The following AHCTF1 variants were observed in gnomAD, a reference collection of about 807,000 sequenced individuals.
The protein encoded by AHCTF1 is protein ELYS.
AHCTF1 carries 24 observed loss-of-function variants against 248.4 expected under a neutral mutation model. The observed-to-expected ratio is 0.10, with a 90% confidence interval of 0.07 to 0.14. AHCTF1 has a LOEUF of 0.14. AHCTF1 is among the 10% of genes least tolerant of loss of function. AHCTF1 has a pLI of 1.00. For synonymous variants in AHCTF1, 786 were observed against 929.8 expected, an observed-to-expected ratio of 0.85 and a Z score of 2.81; for missense variants, 2,206 against 2,636.2, an observed-to-expected ratio of 0.84 and a Z score of 3.57.
rs548149162 is a variant in AHCTF1 at position 246,850,842 on chromosome 1, T to C, written c.5164A>G (p.Ser1722Gly). The C allele has an allele frequency of 6.2e-7, 1 of 1,613,952 alleles. No homozygotes were observed. Among genetic ancestry groups the C allele is most frequent in the African/African-American group, 1.3e-5 (1 of 75,040 alleles). The change falls in exon 33 of 36, where the codon AGC (serine) becomes GGC (glycine). Residue 1722 changes from serine to glycine, a missense_variant. Transcript: ENST00000648844. ...KSAFKTAQET[S>G]TMTMNVSQVD... ...TGGCTGACATTCATAGTCATTGTGC[T>C]TGTTTCCTGAGCAGTCTTAAATGCA...
chr1:246,911,625 A>G (rs976028978), intron 4 of AHCTF1, among the ~76,000 whole-genome samples: 3 of 151,470 alleles, frequency 2.0e-5, no homozygotes, highest in East Asian at 2.0e-4. Flanking sequence ...CTGGGATTAG[A>G]GGCATGCGCC....
chr1:246,841,441 G>C (rs932929754), intron 35 of AHCTF1, among the ~76,000 whole-genome samples: 1 of 152,230 alleles, frequency 6.6e-6, no homozygotes, highest in East Asian at 1.9e-4. Context: ...ACATAGATAC[G>C]CCAGTTTATA....
rs748192239 is a variant in AHCTF1, at chr1:246,918,511, A to AT, written c.-7-135dup. ...ACTAAAATCTGGTTACAAAATACAT[A>AT]TTGGCCAGATGCGGAGGCTCACGCC... On this transcript the variant is annotated intron_variant, in intron 1 of 35. Transcript: ENST00000648844. 2.8e-4 allele frequency: 255 copies of AT among 895,614 alleles called. 1 individual carries two copies. Among genetic ancestry groups the AT allele is most frequent in the Non-Finnish European group, 3.7e-4 (235 of 635,990 alleles). The allele number at this position is 895,614 out of a possible 1,614,324, so 55.5% of individuals were successfully genotyped here. A position where few individuals can be genotyped will look rare whatever the true frequency, so the allele number is the denominator to read the frequency against.
rs745825077 is a variant in AHCTF1 at position 246,840,765 on chromosome 1, T to C, written c.*41A>G. 4.8e-6 allele frequency: 7 copies of C among 1,449,056 alleles called. No homozygotes were observed. The South Asian group carries it at 7.8e-5, about 16-fold the overall frequency. 89.8% of individuals were successfully genotyped at this position (1,449,056 alleles called of 1,614,324 possible). On this transcript the variant is annotated 3_prime_UTR_variant, in exon 36 of 36. Transcript: ENST00000648844. ...TATTTAATAATCCACACTATTCTGATGACTTTACAAATAGGTGTACATTAA... is the reference window on the plus strand; with the variant it reads ...TATTTAATAATCCACACTATTCTGACGACTTTACAAATAGGTGTACATTAA...
At chr1:246,923,169 C>CT (rs1666695164) in intron 1 of AHCTF1, among the ~76,000 whole-genome samples, 2 of 148,244 alleles carry the variant, frequency 1.3e-5, no homozygotes, top group Admixed American at 6.7e-5. Context: ...AATCCCAGCA[C>CT]TTTGGGAGGC....
chr1:246,914,807 C>T (rs1423161055), intron 3 of AHCTF1, among the ~76,000 whole-genome samples: 1 of 152,194 alleles, frequency 6.6e-6, no homozygotes, highest in African/African-American at 2.4e-5. Context: ...GCAACCAGTT[C>T]AGGAACCTTG....
chr1:246,852,874 C>T lies in AHCTF1; in HGVS notation c.4563+217G>A, dbSNP rs55783683. On this transcript the variant is annotated intron_variant, in intron 32 of 35. Transcript: ENST00000648844. ...CCAAGTAGCTGGGACTATGGGCACCCGCCACAGCACCCACCTCCAAGGTTG... is the reference window on the plus strand; with the variant it reads ...CCAAGTAGCTGGGACTATGGGCACCTGCCACAGCACCCACCTCCAAGGTTG... Among the ~76,000 whole-genome samples, 30,557 of 151,956 alleles carry T rather than the reference C, an allele frequency of 0.2. 3,552 individuals carry two copies. Among genetic ancestry groups the T allele is most frequent in the Admixed American group, 0.28 (4,214 of 15,248 alleles).
In AHCTF1 at chr1:246,850,077, G is replaced by A. The variant is rs1660587411; in HGVS notation, c.5929C>T (p.Pro1977Ser). The change falls in exon 33 of 36, where the codon CCA (proline) becomes TCA (serine). Residue 1977 changes from proline (P) to serine (S), a missense_variant. By Grantham distance (74) the Pro-to-Ser change is moderately conservative. Transcript: ENST00000648844. ...MSAIPRKRGR[P>S]RKINPSEDVG... ...TCTTCAGATGGATTGATTTTTCTTG[G>A]TCTACCACGTTTTCTAGGTATGGCA... 1 of 1,613,672 alleles carries A rather than the reference G, an allele frequency of 6.2e-7. No homozygotes were observed. The highest frequency in any genetic ancestry group is 1.7e-4 in the Middle Eastern group (1 of 6,056).
intron 32 of AHCTF1, among the ~76,000 whole-genome samples, chr1:246,852,325 G>C (rs1286393116): frequency 6.6e-6 from 1 of 152,018 alleles, no homozygotes; most frequent in Admixed American, 6.6e-5. Context: ...ATTTTTATGA[G>C]TTAAGAAACT....
intron 32 of AHCTF1, chr1:246,852,152 C>G (rs181264158): frequency 6.6e-6 from 1 of 152,600 alleles, no homozygotes. Context: ...TCCCACTCCC[C>G]AAACATTCAG....
At chr1:246,921,621 A>C (rs1666556217) in intron 1 of AHCTF1, among the ~76,000 whole-genome samples, 1 of 152,140 alleles carries the variant, frequency 6.6e-6, no homozygotes, top group African/African-American at 2.4e-5. Context: ...AGATTTACAG[A>C]CACACCGATT....
intron 24 of AHCTF1, among the ~76,000 whole-genome samples, chr1:246,871,941 C>T (rs1662619067): frequency 6.6e-6 from 1 of 151,628 alleles, no homozygotes; most frequent in Admixed American, 6.6e-5. Flanking sequence ...TGACCCTGAT[C>T]CCAGACATCC....
chr1:246,864,051 C>A lies in AHCTF1; in HGVS notation c.3413G>T (p.Ser1138Ile), dbSNP rs746219072. The A allele has an allele frequency of 6.2e-7, 1 of 1,614,122 alleles. No individual in the cohort carries two copies. Among genetic ancestry groups the A allele is most frequent in the South Asian group, 1.1e-5 (1 of 91,084 alleles). The change falls in exon 27 of 36, where the codon AGC becomes ATC. Residue 1138 changes from serine (S) to isoleucine (I), a missense_variant. Ser to Ile is a moderately radical substitution (Grantham distance 142). Coordinates refer to ENST00000648844, the MANE Select transcript of AHCTF1 (RefSeq NM_001323342.2). ...PSQCSEFIQQ[S>I]SMKSPLYLVS... ...TAGGTACAAAGGAGATTTCATGGAGCTTTGCTGAATAAACTCCGAACACTG... is the reference window on the plus strand; with the variant it reads ...TAGGTACAAAGGAGATTTCATGGAGATTTGCTGAATAAACTCCGAACACTG...
intron 10 of AHCTF1, 143 bp from the exon 11 acceptor site, chr1:246,899,655 T>C (rs758780543): frequency 8.5e-5 from 52 of 614,910 alleles, no homozygotes; most frequent in Non-Finnish European, 1.3e-4. Flanking sequence ...TTCTAGGTAT[T>C]TTCATCCTAA....
chr1:246,864,743 G>A (rs543159227), intron 26 of AHCTF1, among the ~76,000 whole-genome samples: 1 of 66,616 alleles, frequency 1.5e-5, no homozygotes, highest in Non-Finnish European at 2.3e-5. Context: ...GGGAGGCTGA[G>A]GCAGGAGAAT....
At chr1:246,855,607 A>G (rs1346332193) in intron 31 of AHCTF1, 123 bp downstream of exon 31, 2 of 707,396 alleles carry the variant, frequency 2.8e-6, no homozygotes, top group African/African-American at 3.7e-5. Flanking sequence ...CTGACCAGAG[A>G]GAGGAATAAC....
Position 246,918,317 on chromosome 1 carries a change from C to G in AHCTF1, c.54G>C (p.Val18=), listed in dbSNP as rs1214230919. 6.2e-7 allele frequency: 1 copy of G among 1,613,070 alleles called. No homozygotes were observed. Among genetic ancestry groups the G allele is most frequent in the Non-Finnish European group, 8.5e-7 (1 of 1,179,806 alleles). Residue 18 remains valine (V), a synonymous_variant, in exon 2 of 36, where the codon GTG becomes GTC. Coordinates refer to ENST00000648844, the MANE Select transcript of AHCTF1 (RefSeq NM_001323342.2). ...CGTCTTCTCCAAGGGCTTGAAGAGTCACTTCTGGAAATGGCAGGAGACCAC... is the reference window on the plus strand; with the variant it reads ...CGTCTTCTCCAAGGGCTTGAAGAGTGACTTCTGGAAATGGCAGGAGACCAC... The part of the protein sequence containing the change: ...VTSGLLPFPE[V]TLQALGEDEI...
chr1:246,888,371 A>G, intron 18 of AHCTF1, 23 bp downstream of exon 18: 1 of 1,612,840 alleles, frequency 6.2e-7, no homozygotes, highest in East Asian at 2.2e-5. Flanking sequence ...ACTCTAAATG[A>G]TAGCACATTA....
Position 246,877,513 on chromosome 1 carries a change from C to A in AHCTF1, c.2661-211G>T, listed in dbSNP as rs868464841. Among the ~76,000 whole-genome samples the A allele has an allele frequency of 3.3e-5, 5 of 151,984 alleles. No individual in the cohort carries two copies. In the South Asian group the frequency reaches 1.0e-3, roughly 31 times the overall value. On this transcript the variant is annotated intron_variant, in intron 21 of 35. Transcript: ENST00000648844. ...GACACGTTTAAAGAATTTTATGCTG[C>A]TTTTTAGATATAAAATAATAAAAAA...
Sources: gnomAD v4.1 joint callset for allele counts (sites outside exome capture counted in the v4.1 genomes callset) on GRCh38, gnomAD v4.1.1 for gene constraint, MANE v1.5 for transcripts, NCBI Gene and HGNC (gene_info 2026-07-23, HGNC 2026-07-21) for gene names.